Variants in TGM5 observed in about 807,000 individuals in gnomAD.
TGM5 encodes the protein transglutaminase 5.
In TGM5, 69 loss-of-function variants were observed where a neutral mutation model predicts 77.2. The observed-to-expected ratio is 0.89, with a 90% CI of 0.74 to 1.09. The LOEUF (loss-of-function observed/expected upper bound fraction) is 1.09. Ranked by LOEUF, TGM5 falls within the 50% of genes least tolerant of loss-of-function variation. The probability of loss-of-function intolerance (pLI) is 0.00; values close to 1 mark genes in which losing one functional copy is unlikely to be tolerated. For synonymous variants in TGM5, 346 were observed against 351.8 expected (o/e 0.98, Z 0.18); for missense variants, 842 against 896.5 (o/e 0.94, Z 0.78).
At position 43,261,060 on chromosome 15, in the gene TGM5, C is replaced by CTTTTTTTTT. The variant is rs199676346; in HGVS notation, c.11-482_11-481insAAAAAAAAA. ...TAACTCCTTGGGCTAGCTGCTCTTC[C>CTTTTTTTTT]TTTTTTTGTGTGTGTGTTTTTTTTT... On this transcript the variant is annotated intron_variant, in intron 1 of 12. Transcript: ENST00000220420. 3.0e-4 allele frequency among the ~76,000 whole-genome samples: 27 copies of CTTTTTTTTT among 90,608 alleles called. 2 individuals carry two copies. Among genetic ancestry groups the CTTTTTTTTT allele is most frequent in the African/African-American group, 8.9e-4 (14 of 15,776 alleles). The allele number at this position is 90,608 out of a possible 152,430, so 59.4% of individuals were successfully genotyped here. A position where few individuals can be genotyped will look rare whatever the true frequency, so the allele number is the denominator to read the frequency against.
intron 6 of TGM5, 48 bp downstream of exon 6, chr15:43,252,711 G>T: frequency 6.2e-7 from 1 of 1,603,734 alleles, no homozygotes; most frequent in South Asian, 1.1e-5. Context: ...GCTCATACAT[G>T]AGCGGCTATA....
At chr15:43,258,126 G>GTT (rs910419219) in intron 3 of TGM5, among the ~76,000 whole-genome samples, 9 of 152,118 alleles carry the variant, frequency 5.9e-5, no homozygotes, top group African/African-American at 2.2e-4. Context: ...TATACCTAAT[G>GTT]TAAATGACAA....
intron 6 of TGM5, among the ~76,000 whole-genome samples, chr15:43,247,522 A>T (rs2042677063): frequency 6.6e-6 from 1 of 152,066 alleles, no homozygotes; most frequent in African/African-American, 2.4e-5. Context: ...TGACCTCAAA[A>T]AAAAAAGGAG....
chr15:43,257,718 C>A (rs1475056559), intron 3 of TGM5, among the ~76,000 whole-genome samples: 2 of 152,138 alleles, frequency 1.3e-5, no homozygotes, highest in African/African-American at 2.4e-5. Context: ...CCCAGCCATA[C>A]CATTACTGGG....
chr15:43,252,359 C>T (rs919851425), intron 6 of TGM5, among the ~76,000 whole-genome samples: 10 of 152,152 alleles, frequency 6.6e-5, no homozygotes, highest in Non-Finnish European at 1.5e-4. Context: ...TCTTGTCACC[C>T]AGACTGGAGT....
chr15:43,260,700 G>C (rs1205821723), intron 1 of TGM5, 121 bp from the exon 2 acceptor site: 1 of 1,025,572 alleles, frequency 9.8e-7, no homozygotes, highest in Admixed American at 1.9e-5. Flanking sequence ...TTCCATATCA[G>C]TAAAATAGAG....
At chr15:43,243,285 G>A (rs1258026619) in intron 6 of TGM5, among the ~76,000 whole-genome samples, 2 of 152,232 alleles carry the variant, frequency 1.3e-5, no homozygotes, top group Non-Finnish European at 2.9e-5. Flanking sequence ...CTGGATGGAT[G>A]GATGAGTGGT....
In TGM5 at chr15:43,252,854, G is replaced by T. The variant is rs150774377; in HGVS notation, c.767C>A (p.Thr256Lys). 6.2e-7 allele frequency: 1 copy of T among 1,613,882 alleles called. No homozygotes were observed. The highest frequency in any genetic ancestry group is 1.6e-4 in the Middle Eastern group (1 of 6,062). The change falls in exon 6 of 13, where the codon ACG (threonine) becomes AAG (lysine). Residue 256 changes from threonine to lysine, a missense_variant. By Grantham distance (78) the Thr-to-Lys change is moderately conservative. Transcript: ENST00000220420. Reference sequence around the variant, plus strand: ...CTGCTTCAGGATGGCCACGCTGCCCGTCCACTCCGCAGGGTTGGCGCCGTC... The same window carrying T: ...CTGCTTCAGGATGGCCACGCTGCCCTTCCACTCCGCAGGGTTGGCGCCGTC... ...YTDGANPAEWTGSVAILKQWN... is the reference protein window; with the variant it reads ...YTDGANPAEWKGSVAILKQWN...
At chr15:43,255,934 T>C (rs1289948696) in intron 4 of TGM5, among the ~76,000 whole-genome samples, 1 of 152,246 alleles carries the variant, frequency 6.6e-6, no homozygotes, top group Non-Finnish European at 1.5e-5. Flanking sequence ...TACACCAAGC[T>C]GGTGATGGTG....
At chr15:43,260,770 A>G in intron 1 of TGM5, 191 bp from the exon 2 acceptor site, 1 of 702,240 alleles carries the variant, frequency 1.4e-6, no homozygotes, top group Non-Finnish European at 2.5e-6. Flanking sequence ...GGTTCCATGC[A>G]TGCGCTTTCC....
chr15:43,240,533 GA>G (rs2042627116), intron 7 of TGM5, among the ~76,000 whole-genome samples: 1 of 151,942 alleles, frequency 6.6e-6, no homozygotes, highest in Non-Finnish European at 1.5e-5. Flanking sequence ...GGGCAGTGGG[GA>G]AATTTTCTCC....
intron 6 of TGM5, among the ~76,000 whole-genome samples, chr15:43,243,641 T>C (rs1211227056): frequency 6.6e-6 from 1 of 152,174 alleles, no homozygotes; most frequent in African/African-American, 2.4e-5. Context: ...CAGAGCTCTG[T>C]CCTTCTGGTT....
intron 8 of TGM5, 29 bp from the exon 9 acceptor site, chr15:43,239,085 G>A (rs1032051805): frequency 1.3e-5 from 21 of 1,614,092 alleles, no homozygotes; most frequent in East Asian, 2.2e-5. Context: ...GCCTCGGTGG[G>A]CTGTTTGTTG....
Position 43,239,210 on chromosome 15 carries a change from TATGCAGGGGGCAG to T in TGM5, c.1045_1057del (p.Leu349MetfsTer14), listed in dbSNP as rs2042615826. ...GGCGTCCAGCACCTGCCAGCCTCCA[TATGCAGGGGGCAG>T]ATCCTTCCGGGCCATCCAGCACTCA... On this transcript the variant is annotated frameshift_variant, in exon 8 of 13. Coordinates refer to ENST00000220420, the MANE Select transcript of TGM5 (RefSeq NM_201631.4). LOFTEE classifies it high-confidence loss of function. 1 of 1,614,092 alleles carries T rather than the reference TATGCAGGGGGCAG, an allele frequency of 6.2e-7. No homozygotes were observed. The highest frequency in any genetic ancestry group is 8.5e-7 in the Non-Finnish European group (1 of 1,180,006).
chr15:43,266,690 A>T lies in TGM5; in HGVS notation c.10+150T>A, dbSNP rs1044588652. ...CCTGGTTCTCAAGCCACCAATGAAT[A>T]CTGAGGTTTCTGGGATTCTTGCTTT... On this transcript the variant is annotated intron_variant, in intron 1 of 12. Transcript: ENST00000220420. 86 of 1,016,336 alleles carry T rather than the reference A, an allele frequency of 8.5e-5. No individual in the cohort carries two copies. In the East Asian group the frequency reaches 2.2e-3, roughly 25 times the overall value. 63.0% of individuals were successfully genotyped at this position (1,016,336 alleles called of 1,614,324 possible).
chr15:43,259,357 T>C (rs1281063392), intron 3 of TGM5, among the ~76,000 whole-genome samples: 1 of 149,922 alleles, frequency 6.7e-6, no homozygotes, highest in Non-Finnish European at 1.5e-5. Flanking sequence ...AGAGAACTAG[T>C]TAAAAATATC....
At chr15:43,239,627 T>A (rs1436625606) in intron 7 of TGM5, 2 of 353,116 alleles carry the variant, frequency 5.7e-6, no homozygotes, top group Non-Finnish European at 1.1e-5. Context: ...TTGACCTTGA[T>A]CATACCACTG....
chr15:43,240,790 C>T lies in TGM5; in HGVS notation c.1001+62G>A, dbSNP rs1001483809. The T allele has an allele frequency of 2.5e-6, 4 of 1,609,710 alleles. No homozygotes were observed. In the African/African-American group the frequency reaches 4.0e-5, roughly 16 times the overall value. On this transcript the variant is annotated intron_variant, in intron 7 of 12. Transcript: ENST00000220420. ...TCATGGACCTCGTTCTGCCCTTCCTCCTGCCATGGGGCTTGGCTCTGATGT... is the reference window on the plus strand; with the variant it reads ...TCATGGACCTCGTTCTGCCCTTCCTTCTGCCATGGGGCTTGGCTCTGATGT...
chr15:43,260,505 C>T lies in TGM5; in HGVS notation c.85G>A (p.Asp29Asn). The T allele has an allele frequency of 6.2e-7, 1 of 1,614,152 alleles. No individual in the cohort carries two copies. The highest frequency in any genetic ancestry group is 8.5e-7 in the Non-Finnish European group (1 of 1,180,032). ...TGGCCCCGGCGAACAAGCAGGTGGT[C>T]CACAGTGATCTCCTCCGTGTGGTGC... ...VRHHTEEITVDHLLVRRGQAF... is the reference protein window; with the variant it reads ...VRHHTEEITVNHLLVRRGQAF... Residue 29 changes from aspartate to asparagine, a missense_variant, in exon 2 of 13, where the codon GAC (aspartate) becomes AAC (asparagine). Around this residue, in one of 2 missense-constraint regions of TGM5, gnomAD observed 815 missense variants for 844.6 expected, o/e 0.96. Coordinates refer to ENST00000220420, the MANE Select transcript of TGM5 (RefSeq NM_201631.4).
Sources: allele counts gnomAD v4.1 joint callset (sites outside exome capture counted in the v4.1 genomes callset), GRCh38; gene constraint gnomAD v4.1.1; regional missense constraint gnomAD v4.1.1; transcripts MANE v1.5; gene names NCBI Gene and HGNC (gene_info 2026-07-23, HGNC 2026-07-21).